The following USP34 variants were observed in gnomAD, a reference collection of about 807,000 sequenced individuals.
The protein encoded by USP34 is ubiquitin specific peptidase 34.
Under a neutral mutation model 460.3 loss-of-function variants are expected in USP34, and 70 were observed. That is an observed-to-expected ratio of 0.15 (90% CI 0.13 to 0.19). USP34 has a LOEUF of 0.19. USP34 is among the 10% of genes least tolerant of loss of function. The probability of loss-of-function intolerance (pLI) is 1.00; values close to 1 mark genes in which losing one functional copy is unlikely to be tolerated. For synonymous variants in USP34, 1,647 were observed against 1,405.3 expected (o/e 1.17, Z -3.85); for missense variants, 3,985 against 4,236.2 (o/e 0.94, Z 1.65).
In USP34 at chr2:61,222,606, A is replaced by T. The variant is rs779252628; in HGVS notation, c.7794+13T>A. ...ATTGTTTTAAAAACATAAATTAACA[A>T]ATGTTTACATACCTCAGGAGTCAAC... is the stretch of plus-strand genomic sequence containing the variant. On this transcript the variant is annotated intron_variant, in intron 65 of 79. Coordinates refer to ENST00000398571, the MANE Select transcript of USP34 (RefSeq NM_014709.4). 1 of 1,606,838 alleles carries T rather than the reference A, an allele frequency of 6.2e-7. No individual in the cohort carries two copies. The highest frequency in any genetic ancestry group is 1.7e-5 in the Admixed American group (1 of 59,548).
chr2:61,288,520 C>T lies in USP34; in HGVS notation c.4749+157G>A, dbSNP rs567945286. On this transcript the variant is annotated intron_variant, in intron 34 of 79. Coordinates refer to ENST00000398571, the MANE Select transcript of USP34 (RefSeq NM_014709.4). ...CTGGATGATGAAATGAAAAGCAATA[C>T]TGCTTCATAATCACTACTGCTTTAA... is the stretch of plus-strand genomic sequence containing the variant. 2.8e-4 allele frequency among the ~76,000 whole-genome samples: 42 copies of T among 152,330 alleles called. 1 individual carries two copies. The highest frequency in any genetic ancestry group is 9.4e-4 in the African/African-American group (39 of 41,572).
chr2:61,403,907 G>T (rs889472418), intron 3 of USP34, among the ~76,000 whole-genome samples: 5 of 145,900 alleles, frequency 3.4e-5, no homozygotes, highest in African/African-American at 1.0e-4. Context: ...GCAGGAGAAT[G>T]ACGTGAACCC....
At chr2:61,204,144 T>A (rs764953171) in intron 74 of USP34, 112 bp downstream of exon 74, 28 of 1,398,788 alleles carry the variant, frequency 2.0e-5, no homozygotes, top group Non-Finnish European at 2.7e-5. Context: ...CTAATCTTCT[T>A]AGGATCCACA....
chr2:61,456,272 TTA>T (rs1190940598), intron 1 of USP34, among the ~76,000 whole-genome samples: 1 of 152,182 alleles, frequency 6.6e-6, no homozygotes, highest in African/African-American at 2.4e-5. Context: ...ACACTCTTAG[TTA>T]TGAGATTTGG....
intron 1 of USP34, among the ~76,000 whole-genome samples, chr2:61,425,135 A>C (rs1694474181): frequency 6.6e-6 from 1 of 152,138 alleles, no homozygotes; most frequent in African/African-American, 2.4e-5. Context: ...GACTGAAAAC[A>C]GGTGGGAGGC....
intron 75 of USP34, among the ~76,000 whole-genome samples, chr2:61,201,266 A>G (rs1304725495): frequency 7.9e-6 from 1 of 125,964 alleles, no homozygotes; most frequent in Non-Finnish European, 1.6e-5. Context: ...ACCAGGCTGG[A>G]GTGCAGTGGC....
chr2:61,408,018 G>A (rs576368002), intron 2 of USP34, among the ~76,000 whole-genome samples: 15 of 152,268 alleles, frequency 9.9e-5, no homozygotes, highest in African/African-American at 3.6e-4. Flanking sequence ...GGGATGCTAA[G>A]GCAGGAGAAT....
At chr2:61,338,012 A>T (rs1459030689) in intron 18 of USP34, among the ~76,000 whole-genome samples, 7 of 152,210 alleles carry the variant, frequency 4.6e-5, no homozygotes, top group Non-Finnish European at 1.0e-4. Context: ...CCAGCCATTA[A>T]AAGAATTATT....
chr2:61,198,394 T>C (rs181533792), intron 75 of USP34, among the ~76,000 whole-genome samples: 97 of 152,296 alleles, frequency 6.4e-4, no homozygotes, highest in Non-Finnish European at 1.2e-3. Flanking sequence ...ATTTGGGTTG[T>C]TTCCAGTTTT....
At chr2:61,252,147 T>C (rs1688601330) in intron 48 of USP34, among the ~76,000 whole-genome samples, 1 of 152,192 alleles carries the variant, frequency 6.6e-6, no homozygotes, top group Non-Finnish European at 1.5e-5. Context: ...AGGAGGTCTT[T>C]GGTTCAGAGT....
intron 66 of USP34, 45 bp from the exon 67 acceptor site, chr2:61,220,502 A>G (rs973205372): frequency 7.9e-6 from 12 of 1,521,620 alleles, no homozygotes; most frequent in African/African-American, 1.4e-5. Context: ...CAACTGAATG[A>G]GCAATTACTT....
intron 21 of USP34, among the ~76,000 whole-genome samples, chr2:61,321,945 G>A (rs1158253661): frequency 6.6e-6 from 1 of 152,104 alleles, no homozygotes; most frequent in Non-Finnish European, 1.5e-5. Context: ...ATGAAAAAAG[G>A]AGGCCGGGCA....
chr2:61,417,399 CA>C, intron 2 of USP34: 1 of 489,956 alleles, frequency 2.0e-6, no homozygotes, highest in South Asian at 2.2e-5. Context: ...ATCTTACAGC[CA>C]AAGTTGTGAC....
intron 8 of USP34, among the ~76,000 whole-genome samples, chr2:61,376,734 T>G (rs62149714): frequency 0.33 from 50,626 of 151,726 alleles, 8,478 homozygotes; most frequent in Non-Finnish European, 0.38. Context: ...CTGCAATCTC[T>G]GTCTCCGGGT....
chr2:61,436,393 G>A (rs535111418), intron 1 of USP34, among the ~76,000 whole-genome samples: 1 of 152,268 alleles, frequency 6.6e-6, no homozygotes, highest in East Asian at 1.9e-4. Context: ...GAAACCAAAA[G>A]TGAGCTGGGG....
chr2:61,342,834 TA>T (rs1219289703), intron 16 of USP34, among the ~76,000 whole-genome samples: 1 of 152,134 alleles, frequency 6.6e-6, no homozygotes, highest in Non-Finnish European at 1.5e-5. Context: ...CTCCACGCAG[TA>T]AAAAATAGGT....
At position 61,247,150 on chromosome 2, in the gene USP34, G is replaced by C. The variant is rs531826544; in HGVS notation, c.6395-673C>G. Among the ~76,000 whole-genome samples the C allele has an allele frequency of 7.2e-5, 11 of 152,034 alleles. No individual in the cohort carries two copies. In the East Asian group the frequency reaches 2.1e-3, roughly 29 times the overall value. On this transcript the variant is annotated intron_variant, in intron 49 of 79. Coordinates refer to ENST00000398571, the MANE Select transcript of USP34 (RefSeq NM_014709.4). ...ATATAAAGGTAATAAAAGATACTGA[G>C]GAAAAAAAATGTAGAGTGGTCTAAT...
intron 2 of USP34, among the ~76,000 whole-genome samples, chr2:61,411,141 T>A (rs1248945315): frequency 6.6e-6 from 1 of 151,890 alleles, no homozygotes; most frequent in East Asian, 1.9e-4. Flanking sequence ...TCCCAGCACT[T>A]TGGGGGGCAG....
chr2:61,411,164 C>T (rs1225067507), intron 2 of USP34, among the ~76,000 whole-genome samples: 2 of 151,940 alleles, frequency 1.3e-5, no homozygotes, highest in East Asian at 3.9e-4. Flanking sequence ...GCAGGAGGAT[C>T]GCTTAAGCCC....
Sources: gnomAD v4.1 joint callset for allele counts (sites outside exome capture counted in the v4.1 genomes callset) on GRCh38, gnomAD v4.1.1 for gene constraint, MANE v1.5 for transcripts, NCBI Gene and HGNC (gene_info 2026-07-23, HGNC 2026-07-21) for gene names.